The following ABCD3 variants were observed in gnomAD, a reference collection of about 807,000 sequenced individuals.
ABCD3 encodes the protein ATP-binding cassette sub-family D member 3.
Under a neutral mutation model 105.5 loss-of-function variants are expected in ABCD3, and 41 were observed. The ratio of observed to expected loss-of-function variants is 0.39; its 90% confidence interval spans 0.30 to 0.50. The LOEUF (loss-of-function observed/expected upper bound fraction) is 0.50, where lower values mean the gene tolerates loss of function less well. Ranked by LOEUF, ABCD3 falls within the 20% of genes least tolerant of loss-of-function variation. The pLI is 0.84. For synonymous variants in ABCD3, 258 were observed against 269.0 expected, an observed-to-expected ratio of 0.96 and a Z score of 0.40; for missense variants, 622 against 806.3, an observed-to-expected ratio of 0.77 and a Z score of 2.77.
At chr1:94,444,374 G>A (rs971374670) in intron 1 of ABCD3, among the ~76,000 whole-genome samples, 11 of 149,330 alleles carry the variant, frequency 7.4e-5, no homozygotes, top group South Asian at 4.3e-4. Context: ...TGTGTTGTCC[G>A]GGCTGGTCTC....
At chr1:94,471,624 G>A (rs929539921) in intron 4 of ABCD3, among the ~76,000 whole-genome samples, 1 of 151,964 alleles carries the variant, frequency 6.6e-6, no homozygotes, top group Non-Finnish European at 1.5e-5. Flanking sequence ...CCTCTGCTGT[G>A]TATGAAATTC....
chr1:94,396,350 C>G, the ABCD3 span, among the ~76,000 whole-genome samples: 1 of 152,294 alleles, frequency 6.6e-6, no homozygotes, highest in African/African-American at 2.4e-5. Flanking sequence ...TTTCCCCTTT[C>G]ACCTCTTGGA....
At position 94,464,882 on chromosome 1, in the gene ABCD3, T is replaced by C; in HGVS notation, c.246+9T>C. On this transcript the variant is annotated intron_variant, in intron 3 of 22. Coordinates refer to ENST00000370214, the MANE Select transcript of ABCD3 (RefSeq NM_002858.4). ...GAACATTTTGTAAAGAGGTAAGTCT[T>C]ATGAAATTATAATCTTAAGTATATT... is the stretch of plus-strand genomic sequence containing the variant. The C allele has an allele frequency of 1.2e-6, 2 of 1,600,286 alleles. No individual in the cohort carries two copies. The highest frequency in any genetic ancestry group is 2.2e-5 in the East Asian group (1 of 44,796).
At chr1:94,386,260 G>C in the ABCD3 span, among the ~76,000 whole-genome samples, 1 of 152,212 alleles carries the variant, frequency 6.6e-6, no homozygotes, top group African/African-American at 2.4e-5. Flanking sequence ...TGAAGGCCAT[G>C]ATGAGCAACA....
intron 1 of ABCD3, among the ~76,000 whole-genome samples, chr1:94,430,057 T>C (rs1053489428): frequency 6.6e-6 from 1 of 152,250 alleles, no homozygotes; most frequent in Non-Finnish European, 1.5e-5. Context: ...GTGACCTGTA[T>C]GTGAGACATG....
intron 10 of ABCD3, among the ~76,000 whole-genome samples, chr1:94,487,061 A>G (rs1649310430): frequency 6.6e-6 from 1 of 152,200 alleles, no homozygotes; most frequent in Non-Finnish European, 1.5e-5. Context: ...GATTTACATT[A>G]GCACTCAGTT....
At chr1:94,418,725 G>C in intron 1 of ABCD3, 137 bp downstream of exon 1, 2 of 859,632 alleles carry the variant, frequency 2.3e-6, no homozygotes, top group East Asian at 2.7e-5. Flanking sequence ...ACTGCCGTGG[G>C]ACTTCAATGT....
chr1:94,480,884 A>G (rs1649000178), intron 9 of ABCD3, among the ~76,000 whole-genome samples: 2 of 152,212 alleles, frequency 1.3e-5, no homozygotes, highest in African/African-American at 2.4e-5. Flanking sequence ...TCAGTTTACA[A>G]TTCAAATTTC....
At chr1:94,398,980 T>C in the ABCD3 span, among the ~76,000 whole-genome samples, 38 of 152,186 alleles carry the variant, frequency 2.5e-4, no homozygotes, top group East Asian at 6.0e-3. Flanking sequence ...TAGTAGTATG[T>C]AGTTGTACTC....
At chr1:94,407,582 C>T in the ABCD3 span, among the ~76,000 whole-genome samples, 1 of 152,166 alleles carries the variant, frequency 6.6e-6, no homozygotes, top group African/African-American at 2.4e-5. Context: ...GCTTTCTCAA[C>T]CATTGTATCT....
At chr1:94,504,882 A>T (rs1650274743) in intron 20 of ABCD3, among the ~76,000 whole-genome samples, 1 of 152,090 alleles carries the variant, frequency 6.6e-6, no homozygotes, top group Non-Finnish European at 1.5e-5. Context: ...AGATGAGGAA[A>T]AGTGAGTGAA....
intron 1 of ABCD3, among the ~76,000 whole-genome samples, chr1:94,422,963 G>A (rs962328188): frequency 6.6e-6 from 1 of 152,120 alleles, no homozygotes; most frequent in Admixed American, 6.6e-5. Flanking sequence ...TCTCATCTTG[G>A]ATTTCAGAGC....
chr1:94,475,252 C>A lies in ABCD3; in HGVS notation c.503+12C>A, dbSNP rs1374748353. The stretch of plus-strand genomic sequence containing the variant: ...GAGGAGTATCTTCAGTAAGTGATAA[C>A]CTATTTTTATATTAAAAATATTTAA... On this transcript the variant is annotated intron_variant, in intron 6 of 22. Transcript: ENST00000370214. 2.0e-5 allele frequency: 29 copies of A among 1,448,768 alleles called. No individual in the cohort carries two copies. The Admixed American group carries it at 5.4e-4, about 27-fold the overall frequency. 89.7% of individuals were successfully genotyped at this position (1,448,768 alleles called of 1,614,324 possible).
chr1:94,387,160 C>G, the ABCD3 span, among the ~76,000 whole-genome samples: 1 of 152,126 alleles, frequency 6.6e-6, no homozygotes, highest in African/African-American at 2.4e-5. Context: ...TGACACCTTC[C>G]CCAGTGTTAT....
chr1:94,415,622 A>T (rs1292463421), upstream of ABCD3, among the ~76,000 whole-genome samples: 1 of 151,882 alleles, frequency 6.6e-6, no homozygotes, highest in East Asian at 1.9e-4. Flanking sequence ...GAGTTACAGA[A>T]GCAGTCTCCA....
At chr1:94,403,690 A>T in the ABCD3 span, among the ~76,000 whole-genome samples, 640 of 152,322 alleles carry the variant, frequency 4.2e-3, 5 homozygotes, top group African/African-American at 0.015. Context: ...ATTTTGGTGT[A>T]CAAATTATCT....
chr1:94,462,271 A>G (rs185956938), intron 2 of ABCD3, among the ~76,000 whole-genome samples: 2 of 152,198 alleles, frequency 1.3e-5, no homozygotes, highest in Admixed American at 1.3e-4. Context: ...AATTACTGGG[A>G]AAGTTTGGAA....
chr1:94,421,084 C>G (rs1461456775), intron 1 of ABCD3, among the ~76,000 whole-genome samples: 2 of 151,658 alleles, frequency 1.3e-5, no homozygotes, highest in Non-Finnish European at 2.9e-5. Context: ...GTGTTTCTGA[C>G]CTTTTATTGT....
At position 94,464,828 on chromosome 1, in the gene ABCD3, CAT is replaced by C; in HGVS notation, c.203_204del (p.Ile68ThrfsTer9). Reference sequence around the variant, plus strand: ...TGGACAAGGTGTTTTTCTCAAGGCTCATACAGATTCTGAAAATCATGGTCCCT... The same window carrying C: ...TGGACAAGGTGTTTTTCTCAAGGCTCACAGATTCTGAAAATCATGGTCCCT... ...VVDKVFFSRL[I>X]QILKIMVPRT... On this transcript the variant is annotated frameshift_variant, in exon 3 of 23. Coordinates refer to ENST00000370214, the MANE Select transcript of ABCD3 (RefSeq NM_002858.4). LOFTEE classifies it high-confidence loss of function. The C allele has an allele frequency of 6.2e-7, 1 of 1,613,658 alleles. No homozygotes were observed. The highest frequency in any genetic ancestry group is 8.5e-7 in the Non-Finnish European group (1 of 1,179,922).
Sources: allele counts gnomAD v4.1 joint callset (sites outside exome capture counted in the v4.1 genomes callset), GRCh38; gene constraint gnomAD v4.1.1; transcripts MANE v1.5; gene names NCBI Gene and HGNC (gene_info 2026-07-23, HGNC 2026-07-21).